Variants in RAB3GAP2 observed in about 807,000 individuals in gnomAD.
RAB3GAP2 encodes rab3 GTPase-activating protein non-catalytic subunit.
In RAB3GAP2, 87 loss-of-function variants were observed where a neutral mutation model predicts 185.3. The ratio of observed to expected loss-of-function variants is 0.47; its 90% CI spans 0.39 to 0.56. The LOEUF is 0.56. RAB3GAP2 is among the 20% of genes least tolerant of loss of function. The pLI, the probability that RAB3GAP2 is intolerant of heterozygous loss-of-function variation, is 0.00. For synonymous variants in RAB3GAP2, 554 were observed against 576.1 expected (o/e 0.96, Z 0.55); for missense variants, 1,492 against 1,638.2 (o/e 0.91, Z 1.54).
chr1:220,153,739 T>C (rs948238350), intron 32 of RAB3GAP2: 1 of 491,492 alleles, frequency 2.0e-6, no homozygotes, highest in African/African-American at 2.0e-5. Context: ...CTCCTAATGC[T>C]ATCCCTCCCC....
intron 17 of RAB3GAP2, among the ~76,000 whole-genome samples, chr1:220,188,089 T>C (rs868634733): frequency 6.7e-6 from 1 of 150,044 alleles, no homozygotes; most frequent in Non-Finnish European, 1.5e-5. Context: ...GCCAAAGAAA[T>C]TGACTGGTGT....
chr1:220,193,176 A>G, intron 13 of RAB3GAP2, 64 bp downstream of exon 13: 3 of 1,571,280 alleles, frequency 1.9e-6, no homozygotes, highest in Non-Finnish European at 2.6e-6. Flanking sequence ...AAGGATGATA[A>G]CATTGCTCAA....
chr1:220,171,096 C>T lies in RAB3GAP2; in HGVS notation c.2602G>A (p.Asp868Asn). 6.2e-7 allele frequency: 1 copy of T among 1,614,138 alleles called. No individual in the cohort carries two copies. The highest frequency in any genetic ancestry group is 1.1e-5 in the South Asian group (1 of 91,074). The change falls in exon 24 of 35, where the codon GAT (aspartate) becomes AAT (asparagine). Residue 868 changes from aspartate (D) to asparagine (N), a missense_variant. Physicochemically the swap from Asp to Asn is conservative, Grantham distance 23 (BLOSUM62 1). Transcript: ENST00000358951. ...CAGGAATCAGTGAGGGCCTCTGAATCAGCACCCAAAACTGTTTGGGAAAAC... is the reference window on the plus strand; with the variant it reads ...CAGGAATCAGTGAGGGCCTCTGAATTAGCACCCAAAACTGTTTGGGAAAAC... ...KKFSQTVLGADSEALTDSWEA... is the reference protein window; with the variant it reads ...KKFSQTVLGANSEALTDSWEA...
chr1:220,187,961 G>C (rs907606432), intron 17 of RAB3GAP2, among the ~76,000 whole-genome samples: 1 of 152,082 alleles, frequency 6.6e-6, no homozygotes, highest in East Asian at 1.9e-4. Flanking sequence ...GAAGTAGGTA[G>C]AAGTCTTGTG....
intron 1 of RAB3GAP2, among the ~76,000 whole-genome samples, chr1:220,269,556 TA>T (rs1397359537): frequency 6.6e-6 from 1 of 152,142 alleles, no homozygotes; most frequent in East Asian, 1.9e-4. Context: ...ACCCCATCTC[TA>T]CTAAAAATAC....
At chr1:220,222,318 A>G (rs1659324163) in intron 2 of RAB3GAP2, among the ~76,000 whole-genome samples, 1 of 152,184 alleles carries the variant, frequency 6.6e-6, no homozygotes. Context: ...AATTTTTTAC[A>G]AAAATTCAAT....
intron 31 of RAB3GAP2, among the ~76,000 whole-genome samples, chr1:220,157,014 G>C (rs148314944): frequency 9.9e-5 from 15 of 152,220 alleles, no homozygotes; most frequent in African/African-American, 2.9e-4. Context: ...AGATATATAA[G>C]AGGGAGAAAA....
At chr1:220,252,152 G>GAAA (rs58516168) in intron 1 of RAB3GAP2, among the ~76,000 whole-genome samples, 31 of 96,010 alleles carry the variant, frequency 3.2e-4, no homozygotes, top group African/African-American at 7.6e-4. Context: ...CTCAAAAAAA[G>GAAA]AAAAAAAAAA....
In RAB3GAP2 at chr1:220,182,911, C is replaced by G. The variant is rs1341126258; in HGVS notation, c.2019G>C (p.Arg673Ser). ...FSDNDLALLL[R>S]LDEKELLKLQ... ...GCTTAAGCAGTTCTTTTTCATCAAGCCTTAGTAACAGAGCCAAGTCCTTTA... is the reference window on the plus strand; with the variant it reads ...GCTTAAGCAGTTCTTTTTCATCAAGGCTTAGTAACAGAGCCAAGTCCTTTA... The change falls in exon 20 of 35, where the codon AGG (arginine) becomes AGC (serine). Residue 673 changes from arginine to serine, a missense_variant. Around this residue, in one of 5 missense-constraint regions of RAB3GAP2, gnomAD observed 681 missense variants for 689.1 expected, o/e 0.99. Coordinates refer to ENST00000358951, the MANE Select transcript of RAB3GAP2 (RefSeq NM_012414.4). 6.2e-7 allele frequency: 1 copy of G among 1,612,726 alleles called. No individual in the cohort carries two copies. The highest frequency in any genetic ancestry group is 1.1e-5 in the South Asian group (1 of 91,062).
intron 9 of RAB3GAP2, among the ~76,000 whole-genome samples, chr1:220,198,492 G>A (rs893417425): frequency 6.6e-6 from 1 of 151,994 alleles, no homozygotes; most frequent in African/African-American, 2.4e-5. Flanking sequence ...CTACACATTG[G>A]TACTGAATTT....
At chr1:220,191,702 C>T (rs1658624812) in intron 13 of RAB3GAP2, among the ~76,000 whole-genome samples, 1 of 151,966 alleles carries the variant, frequency 6.6e-6, no homozygotes. Context: ...CCTGTAATCC[C>T]AGCTACTTGG....
At position 220,213,941 on chromosome 1, in the gene RAB3GAP2, G is replaced by C. The variant is rs753009542; in HGVS notation, c.219C>G (p.Ser73=). 6.2e-7 allele frequency: 1 copy of C among 1,613,386 alleles called. No homozygotes were observed. Among genetic ancestry groups the C allele is most frequent in the African/African-American group, 1.3e-5 (1 of 75,022 alleles). Residue 73 remains serine, a synonymous_variant, in exon 3 of 35, where the codon TCC becomes TCG. Transcript: ENST00000358951. ...EGNTCKTQKT[S]WLQDCVLSLS... ...AGGATAAAACACAATCTTGGAGCCA[G>C]GAAGTTTTTTGTGTTTTGCAAGTAT...
intron 29 of RAB3GAP2, among the ~76,000 whole-genome samples, chr1:220,159,063 T>C (rs183615651): frequency 7.6e-4 from 116 of 152,312 alleles, no homozygotes; most frequent in Non-Finnish European, 1.1e-3. Flanking sequence ...CTGCTTCAAT[T>C]TGATGTTGGA....
chr1:220,197,152 TA>T (rs1244940636), intron 9 of RAB3GAP2, among the ~76,000 whole-genome samples: 1 of 151,934 alleles, frequency 6.6e-6, no homozygotes, highest in Admixed American at 6.5e-5. Flanking sequence ...CATGCCCAGC[TA>T]ATTTTTGTAT....
At chr1:220,214,529 G>GA (rs879345900) in intron 2 of RAB3GAP2, among the ~76,000 whole-genome samples, 194 of 141,514 alleles carry the variant, frequency 1.4e-3, no homozygotes, top group East Asian at 6.9e-3. Flanking sequence ...CTGTCTCAGG[G>GA]AAAAAAAAAA....
intron 1 of RAB3GAP2, among the ~76,000 whole-genome samples, chr1:220,241,685 G>A (rs979808712): frequency 1.3e-5 from 2 of 151,858 alleles, no homozygotes; most frequent in Admixed American, 1.3e-4. Context: ...TAGGGAAATG[G>A]AAAATAGGAA....
Position 220,182,908 on chromosome 1 carries a change from A to G in RAB3GAP2, c.2022T>C (p.Leu674=). 1 of 1,612,998 alleles carries G rather than the reference A, an allele frequency of 6.2e-7. No homozygotes were observed. The highest frequency in any genetic ancestry group is 8.5e-7 in the Non-Finnish European group (1 of 1,179,326). Residue 674 remains leucine (L), a synonymous_variant, in exon 20 of 35, where the codon CTT becomes CTC. Coordinates refer to ENST00000358951, the MANE Select transcript of RAB3GAP2 (RefSeq NM_012414.4). ...SDNDLALLLR[L]DEKELLKLQA... ...GGAGCTTAAGCAGTTCTTTTTCATCAAGCCTTAGTAACAGAGCCAAGTCCT... is the reference window on the plus strand; with the variant it reads ...GGAGCTTAAGCAGTTCTTTTTCATCGAGCCTTAGTAACAGAGCCAAGTCCT...
At chr1:220,189,849 G>T in intron 16 of RAB3GAP2, 82 bp from the exon 17 acceptor site, 1 of 1,226,050 alleles carries the variant, frequency 8.2e-7, no homozygotes. Context: ...GAACATATCT[G>T]TACTATCAGT....
At chr1:220,254,934 C>T (rs1283496890) in intron 1 of RAB3GAP2, among the ~76,000 whole-genome samples, 1 of 148,904 alleles carries the variant, frequency 6.7e-6, no homozygotes. Flanking sequence ...TATAACTGAA[C>T]ACACTCATCC....
Sources: gnomAD v4.1 joint callset for allele counts (sites outside exome capture counted in the v4.1 genomes callset) on GRCh38, gnomAD v4.1.1 for gene constraint, gnomAD v4.1.1 regional missense constraint, MANE v1.5 for transcripts, NCBI Gene and HGNC (gene_info 2026-07-23, HGNC 2026-07-21) for gene names.